TTLL11: variants seen among roughly 807,000 people sequenced by gnomAD.
The protein encoded by TTLL11 is tubulin polyglutamylase TTLL11.
A neutral mutation model predicts 51.7 loss-of-function variants in TTLL11; 42 were observed. The observed-to-expected ratio is 0.81, with a 90% CI of 0.64 to 1.05. TTLL11 has a LOEUF of 1.05. TTLL11 is among the 50% of genes least tolerant of loss of function. TTLL11 has a pLI of 0.00. For synonymous variants in TTLL11, 381 were observed against 383.5 expected, an observed-to-expected ratio of 0.99 and a Z score of 0.08; for missense variants, 799 against 940.4, an observed-to-expected ratio of 0.85 and a Z score of 1.97.
At chr9:122,060,622 G>T (rs1227960554) in intron 1 of TTLL11, among the ~76,000 whole-genome samples, 1 of 152,170 alleles carries the variant, frequency 6.6e-6, no homozygotes, top group African/African-American at 2.4e-5. Context: ...ATCAGATCTT[G>T]GTTTGAATCC....
intron 6 of TTLL11, among the ~76,000 whole-genome samples, chr9:121,896,891 G>A (rs1588107090): frequency 1.3e-5 from 2 of 152,288 alleles, no homozygotes; most frequent in East Asian, 1.9e-4. Context: ...CGAACCAGCC[G>A]CGCACTACAG....
At chr9:121,987,829 C>T (rs1265669330) in intron 4 of TTLL11, among the ~76,000 whole-genome samples, 1 of 151,992 alleles carries the variant, frequency 6.6e-6, no homozygotes, top group Non-Finnish European at 1.5e-5. Flanking sequence ...TCTTCTCAGT[C>T]TTCTCGTCAC....
rs192163281 is a variant in TTLL11 at position 121,817,448 on chromosome 9, C to T, written c.*5139G>A. The T allele has an allele frequency of 2.8e-4, 43 of 152,352 alleles. 1 individual carries two copies. Among genetic ancestry groups the T allele is most frequent in the African/African-American group, 9.4e-4 (39 of 41,582 alleles). The allele number at this position is 152,352 out of a possible 1,614,324, so 9.4% of individuals were successfully genotyped here. A position where few individuals can be genotyped will look rare whatever the true frequency, so the allele number is the denominator to read the frequency against. ...TAACACTACGTTTGAGCAGCGCCTT[C>T]GTTTACAAAACACTTTCACATTGAT... On this transcript the variant is annotated 3_prime_UTR_variant, in exon 9 of 9. Transcript: ENST00000321582.
At position 121,816,105 on chromosome 9, in the gene TTLL11, G is replaced by A. The variant is rs1410088249; in HGVS notation, c.*6482C>T. On this transcript the variant is annotated 3_prime_UTR_variant, in exon 9 of 9. Transcript: ENST00000321582. ...CTAGGCAAGGAGCAGGGATCAGAGA[G>A]GTAAAGTCACTGGCCCGTGGTCATT... 3.3e-5 allele frequency: 5 copies of A among 152,230 alleles called. No homozygotes were observed. The highest frequency in any genetic ancestry group is 1.9e-4 in the East Asian group (1 of 5,192). The allele number at this position is 152,230 out of a possible 1,614,324, so 9.4% of individuals were successfully genotyped here. A position where few individuals can be genotyped will look rare whatever the true frequency, so the allele number is the denominator to read the frequency against.
At chr9:121,852,100 C>T (rs1472765965) in intron 8 of TTLL11, among the ~76,000 whole-genome samples, 1 of 152,248 alleles carries the variant, frequency 6.6e-6, no homozygotes, top group Non-Finnish European at 1.5e-5. Flanking sequence ...TTCTAGCCCT[C>T]TGAGCCTTGG....
chr9:121,841,849 T>C (rs1035201911), intron 8 of TTLL11, among the ~76,000 whole-genome samples: 1 of 151,914 alleles, frequency 6.6e-6, no homozygotes, highest in South Asian at 2.1e-4. Flanking sequence ...GTATGACAAC[T>C]AAAAATGTCT....
intron 6 of TTLL11, among the ~76,000 whole-genome samples, chr9:121,894,627 T>C (rs1055210865): frequency 9.9e-5 from 15 of 152,156 alleles, no homozygotes; most frequent in African/African-American, 3.6e-4. Context: ...AAACCATCAT[T>C]CTCAGCAAAC....
chr9:121,938,559 GTAAA>G (rs1841321909), intron 6 of TTLL11, among the ~76,000 whole-genome samples: 1 of 151,998 alleles, frequency 6.6e-6, no homozygotes, highest in African/African-American at 2.4e-5. Flanking sequence ...TTTATCCAAG[GTAAA>G]TAGAGCATTT....
intron 8 of TTLL11, among the ~76,000 whole-genome samples, chr9:121,856,714 TTC>T (rs755059015): frequency 3.0e-4 from 45 of 152,176 alleles, no homozygotes; most frequent in Admixed American, 7.8e-4. Context: ...CTTCACAGGC[TTC>T]TTTCTTTTCA....
chr9:121,974,073 T>C lies in TTLL11; in HGVS notation c.1417A>G (p.Lys473Glu). 1 of 1,551,746 alleles carries C rather than the reference T, an allele frequency of 6.4e-7. No individual in the cohort carries two copies. Among genetic ancestry groups the C allele is most frequent in the South Asian group, 1.2e-5 (1 of 84,060 alleles). ...AGAGTGTCTCTGATCACAGCCACTT[T>C]CACTTCTTCATCAACGAGGCTGGGG... ...NVPSLVDEEV[K>E]VAVIRDTLRL... is the part of the protein sequence containing the mutation. Residue 473 changes from lysine (K) to glutamate (E), a missense_variant, in exon 6 of 9, where the codon AAA becomes GAA. Physicochemically the swap from Lys to Glu is moderately conservative, Grantham distance 56 (BLOSUM62 1). This residue lies in a region of TTLL11 where 468 missense variants were observed against 612.8 expected (regional missense o/e 0.76). Coordinates refer to ENST00000321582, the MANE Select transcript of TTLL11 (RefSeq NM_001139442.2).
intron 6 of TTLL11, among the ~76,000 whole-genome samples, chr9:121,878,739 C>G (rs1838663134): frequency 6.6e-6 from 1 of 152,230 alleles, no homozygotes; most frequent in South Asian, 2.1e-4. Context: ...CAATAAGCTT[C>G]TTTTCCAACA....
chr9:121,836,149 TTGTC>T (rs770961308), intron 8 of TTLL11, among the ~76,000 whole-genome samples: 6 of 152,140 alleles, frequency 3.9e-5, no homozygotes, highest in Non-Finnish European at 5.9e-5. Context: ...TGGCCCCTGA[TTGTC>T]TGTGGTTGTT....
chr9:121,841,345 C>T (rs916522288), intron 8 of TTLL11, among the ~76,000 whole-genome samples: 5 of 152,278 alleles, frequency 3.3e-5, no homozygotes, highest in African/African-American at 9.6e-5. Flanking sequence ...AACCCTCCAG[C>T]GCCCATTCAG....
chr9:121,889,502 A>C (rs1388357651), intron 6 of TTLL11, among the ~76,000 whole-genome samples: 1 of 151,936 alleles, frequency 6.6e-6, no homozygotes, highest in East Asian at 1.9e-4. Flanking sequence ...CTCCACTGAA[A>C]CTCTGTCCCT....
At chr9:122,009,252 T>C (rs1030398108) in intron 3 of TTLL11, among the ~76,000 whole-genome samples, 3 of 152,170 alleles carry the variant, frequency 2.0e-5, no homozygotes, top group Non-Finnish European at 4.4e-5. Context: ...AATTTAGCCA[T>C]TCCATAATGT....
At chr9:121,845,020 C>G (rs370887844) in intron 8 of TTLL11, among the ~76,000 whole-genome samples, 2 of 152,002 alleles carry the variant, frequency 1.3e-5, no homozygotes, top group Admixed American at 1.3e-4. Flanking sequence ...AGAAAGCTCA[C>G]AGAAAACCGT....
chr9:121,999,365 C>T (rs1843391559), intron 3 of TTLL11, among the ~76,000 whole-genome samples: 1 of 152,148 alleles, frequency 6.6e-6, no homozygotes, highest in Non-Finnish European at 1.5e-5. Flanking sequence ...ACGTCCAAAA[C>T]TAAGCTCATT....
At chr9:121,914,100 A>G (rs890296576) in intron 6 of TTLL11, among the ~76,000 whole-genome samples, 9 of 152,258 alleles carry the variant, frequency 5.9e-5, no homozygotes, top group Admixed American at 2.6e-4. Context: ...TGATCCTAAG[A>G]CAGCCTGCTC....
At chr9:121,993,642 G>A (rs1588185294) in intron 3 of TTLL11, among the ~76,000 whole-genome samples, 1 of 152,356 alleles carries the variant, frequency 6.6e-6, no homozygotes. Context: ...AGCACATTGG[G>A]ATGATCTATA....
Sources: gnomAD v4.1 joint callset for allele counts (sites outside exome capture counted in the v4.1 genomes callset) on GRCh38, gnomAD v4.1.1 for gene constraint, gnomAD v4.1.1 regional missense constraint, MANE v1.5 for transcripts, NCBI Gene and HGNC (gene_info 2026-07-23, HGNC 2026-07-21) for gene names.